The following AHR variants were observed in gnomAD, a reference collection of about 807,000 sequenced individuals.
AHR encodes the protein AH-receptor.
In AHR, 40 loss-of-function variants were observed where a neutral mutation model predicts 86.8. The ratio of observed to expected loss-of-function variants is 0.46; its 90% CI spans 0.36 to 0.60. The LOEUF is 0.60. Ranked by LOEUF, AHR falls within the 20% of genes least tolerant of loss-of-function variation. The pLI, the probability that AHR is intolerant of heterozygous loss-of-function variation, is 0.00. For missense variants in AHR, 1,001 were observed against 1,011.6 expected, an observed-to-expected ratio of 0.99 and a Z score of 0.14; for synonymous variants, 398 against 354.9, an observed-to-expected ratio of 1.12 and a Z score of -1.37.
At chr7:17,338,510 C>G (rs1223925100) in intron 9 of AHR, among the ~76,000 whole-genome samples, 13 of 152,036 alleles carry the variant, frequency 8.6e-5, no homozygotes. Context: ...CATGTGCCAC[C>G]ATGCCCAGCT....
chr7:17,312,982 C>A (rs1356183064), intron 2 of AHR, among the ~76,000 whole-genome samples: 2 of 152,014 alleles, frequency 1.3e-5, no homozygotes, highest in Non-Finnish European at 2.9e-5. Context: ...TGTTTCTTTG[C>A]CTTCAGAATG....
At position 17,298,715 on chromosome 7, in the gene AHR, C is replaced by T. The variant is rs1781915857; in HGVS notation, c.-550C>T. The T allele has an allele frequency of 5.0e-6, 2 of 397,052 alleles. No homozygotes were observed. The highest frequency in any genetic ancestry group is 1.3e-4 in the South Asian group (1 of 7,616). The allele number at this position is 397,052 out of a possible 1,614,324, so 24.6% of individuals were successfully genotyped here. Reference sequence around the variant, plus strand: ...CGTGCCCCGGACCGCCAGCTCAGAACAGGGGCAGCCGTGTAGCCGAACGGA... The same window carrying T: ...CGTGCCCCGGACCGCCAGCTCAGAATAGGGGCAGCCGTGTAGCCGAACGGA... On this transcript the variant is annotated 5_prime_UTR_variant, in exon 1 of 11. Coordinates refer to ENST00000242057, the MANE Select transcript of AHR (RefSeq NM_001621.5).
chr7:17,329,617 A>G lies in AHR; in HGVS notation c.451-335A>G, dbSNP rs543366156. On this transcript the variant is annotated intron_variant, in intron 4 of 10. Transcript: ENST00000242057. Reference sequence around the variant, plus strand: ...GGGGTGGTTAGGAAAAGCTGCATGGAAGAGATAAGAATCTAAAAACTAACA... The same window carrying G: ...GGGGTGGTTAGGAAAAGCTGCATGGGAGAGATAAGAATCTAAAAACTAACA... Among the ~76,000 whole-genome samples, 3 of 152,006 alleles carry G rather than the reference A, an allele frequency of 2.0e-5. No individual in the cohort carries two copies. The East Asian group carries it at 5.8e-4, about 29-fold the overall frequency.
chr7:17,318,238 T>A (rs977737521), intron 2 of AHR, among the ~76,000 whole-genome samples: 1 of 152,050 alleles, frequency 6.6e-6, no homozygotes, highest in Non-Finnish European at 1.5e-5. Flanking sequence ...CCTTGACCAA[T>A]TCAAAGCATG....
In AHR at chr7:17,335,068, C is replaced by T. The variant is rs543567818; in HGVS notation, c.1018+72C>T. 44 of 1,120,488 alleles carry T rather than the reference C, an allele frequency of 3.9e-5. No homozygotes were observed. The East Asian group carries it at 6.9e-4, about 18-fold the overall frequency. 69.4% of individuals were successfully genotyped at this position (1,120,488 alleles called of 1,614,324 possible). ...CTGTTGTACATGTTTCAAATTCTTA[C>T]GTAATGTAAAGTGTTTAAGTAAAGT... On this transcript the variant is annotated intron_variant, in intron 8 of 10. Transcript: ENST00000242057.
At position 17,338,972 on chromosome 7, in the gene AHR, G is replaced by A. The variant is rs367571715; in HGVS notation, c.1161-14G>A. The A allele has an allele frequency of 1.2e-4, 178 of 1,525,158 alleles. 1 individual carries two copies. The highest frequency in any genetic ancestry group is 9.8e-5 in the Non-Finnish European group (111 of 1,135,792). The allele number at this position is 1,525,158 out of a possible 1,614,324, so 94.5% of individuals were successfully genotyped here. On this transcript the variant is annotated splice_polypyrimidine_tract_variant and intron_variant, in intron 9 of 10. Coordinates refer to ENST00000242057, the MANE Select transcript of AHR (RefSeq NM_001621.5). ...TAGAATTTTTTTCTAAGACTTTTTT[G>A]TACACAATTTTAGAGATGAGGAAGG...
At chr7:17,331,717 G>A (rs893398700) in intron 6 of AHR, among the ~76,000 whole-genome samples, 4 of 151,916 alleles carry the variant, frequency 2.6e-5, no homozygotes, top group Non-Finnish European at 5.9e-5. Context: ...CTGAACACCT[G>A]CATAGGAGTT....
intron 6 of AHR, among the ~76,000 whole-genome samples, chr7:17,331,427 A>G (rs879660256): frequency 3.7e-4 from 56 of 152,122 alleles, no homozygotes; most frequent in Admixed American, 1.3e-3. Context: ...ACTATCTTCT[A>G]TAACTCAGAA....
In AHR at chr7:17,298,716, A is replaced by G. The variant is rs1401687451; in HGVS notation, c.-549A>G. ...GTGCCCCGGACCGCCAGCTCAGAAC[A>G]GGGGCAGCCGTGTAGCCGAACGGAA... On this transcript the variant is annotated 5_prime_UTR_variant, in exon 1 of 11. Transcript: ENST00000242057. The G allele has an allele frequency of 1.0e-5, 4 of 396,770 alleles. No homozygotes were observed. The highest frequency in any genetic ancestry group is 8.9e-6 in the Non-Finnish European group (2 of 225,142). 24.6% of individuals were successfully genotyped at this position (396,770 alleles called of 1,614,324 possible). A position where few individuals can be genotyped will look rare whatever the true frequency, so the allele number is the denominator to read the frequency against.
At chr7:17,340,998 A>C (rs796782437) in intron 10 of AHR, among the ~76,000 whole-genome samples, 2 of 152,108 alleles carry the variant, frequency 1.3e-5, no homozygotes, top group African/African-American at 4.8e-5. Context: ...AGTTAACATA[A>C]TGTCAGTAAC....
chr7:17,303,402 C>G (rs1280855047), intron 1 of AHR, among the ~76,000 whole-genome samples: 1 of 152,008 alleles, frequency 6.6e-6, no homozygotes, highest in Non-Finnish European at 1.5e-5. Context: ...TACAGTACAG[C>G]CATATCCTAG....
chr7:17,309,346 ATTC>A (rs1354402743), intron 1 of AHR, among the ~76,000 whole-genome samples: 3 of 152,224 alleles, frequency 2.0e-5, no homozygotes, highest in Admixed American at 1.3e-4. Flanking sequence ...AGTCAAATTT[ATTC>A]TTCTTTTAAT....
intron 2 of AHR, among the ~76,000 whole-genome samples, chr7:17,315,444 CCTGT>C (rs1562476385): frequency 6.6e-6 from 1 of 151,928 alleles, no homozygotes; most frequent in East Asian, 1.9e-4. Flanking sequence ...TTGCTGCTTT[CCTGT>C]CTCTTTTAAA....
At chr7:17,325,909 C>T (rs1289239013) in intron 3 of AHR, among the ~76,000 whole-genome samples, 1 of 152,048 alleles carries the variant, frequency 6.6e-6, no homozygotes, top group Non-Finnish European at 1.5e-5. Context: ...ACAAGTTTAC[C>T]TATGTAACAA....
chr7:17,310,443 A>T (rs909058979), intron 2 of AHR, among the ~76,000 whole-genome samples: 4 of 152,142 alleles, frequency 2.6e-5, no homozygotes, highest in African/African-American at 9.7e-5. Context: ...TTTTAAAAAA[A>T]AAGAAAAGAT....
chr7:17,315,001 A>T, intron 2 of AHR, among the ~76,000 whole-genome samples: 1 of 152,062 alleles, frequency 6.6e-6, no homozygotes, highest in Non-Finnish European at 1.5e-5. Flanking sequence ...ATGGTGATTT[A>T]ACTGTTATCT....
chr7:17,317,335 G>C (rs1782126425), intron 2 of AHR, among the ~76,000 whole-genome samples: 1 of 151,978 alleles, frequency 6.6e-6, no homozygotes, highest in African/African-American at 2.4e-5. Context: ...TGGACACTTG[G>C]AAAAGTGTGA....
intron 6 of AHR, among the ~76,000 whole-genome samples, chr7:17,333,461 A>T (rs1782321411): frequency 6.6e-6 from 1 of 152,084 alleles, no homozygotes; most frequent in Middle Eastern, 3.4e-3. Context: ...GTCTTAATAA[A>T]ATTATATTTT....
chr7:17,306,092 G>A (rs1782002818), intron 1 of AHR, among the ~76,000 whole-genome samples: 1 of 152,162 alleles, frequency 6.6e-6, no homozygotes, highest in Non-Finnish European at 1.5e-5. Context: ...TTCAGGAGAT[G>A]TTTGAACTCC....
Sources: allele counts gnomAD v4.1 joint callset (sites outside exome capture counted in the v4.1 genomes callset), GRCh38; gene constraint gnomAD v4.1.1; transcripts MANE v1.5; gene names NCBI Gene and HGNC (gene_info 2026-07-23, HGNC 2026-07-21).